ACTR2: variants seen among roughly 807,000 people sequenced by gnomAD.
ACTR2 encodes actin-related protein 2.
A neutral mutation model predicts 50.2 loss-of-function variants in ACTR2; 5 were observed. The observed-to-expected ratio is 0.10, with a 90% CI of 0.05 to 0.21. The LOEUF is 0.21. Among genes scored for constraint, ACTR2 ranks in the 10% least tolerant of loss-of-function variants. The pLI, the probability that ACTR2 is intolerant of heterozygous loss-of-function variation, is 1.00. For missense variants in ACTR2, 180 were observed against 480.6 expected, an observed-to-expected ratio of 0.37 and a Z score of 5.85; for synonymous variants, 140 against 162.9, an observed-to-expected ratio of 0.86 and a Z score of 1.07.
In ACTR2 at chr2:65,262,331, G is replaced by A. The variant is rs148342668; in HGVS notation, c.881+939G>A. 3.6e-3 allele frequency among the ~76,000 whole-genome samples: 545 copies of A among 152,066 alleles called. 3 individuals are homozygous for A. The highest frequency in any genetic ancestry group is 0.012 in the African/African-American group (499 of 41,476). ...TGCAACCTCTGCCTCCCGTTTTCAA[G>A]CGATTCTCCTGCCTCAGCCTCCCAA... On this transcript the variant is annotated intron_variant, in intron 7 of 8. Transcript: ENST00000260641.
intron 1 of ACTR2, among the ~76,000 whole-genome samples, chr2:65,238,184 T>G (rs922098790): frequency 1.5e-4 from 23 of 151,888 alleles, no homozygotes; most frequent in African/African-American, 5.6e-4. Flanking sequence ...TAAATATTTT[T>G]TAAATTAAAA....
At chr2:65,252,436 C>A (rs866245802) in intron 4 of ACTR2, among the ~76,000 whole-genome samples, 1 of 150,204 alleles carries the variant, frequency 6.7e-6, no homozygotes, top group Non-Finnish European at 1.5e-5. Flanking sequence ...GTCAGGAGAT[C>A]GAGACCATCC....
At chr2:65,250,515 A>G (rs534750461) in intron 3 of ACTR2, among the ~76,000 whole-genome samples, 54 of 151,056 alleles carry the variant, frequency 3.6e-4, no homozygotes, top group African/African-American at 1.3e-3. Flanking sequence ...TGTACTAAAA[A>G]TACAAAAATT....
At chr2:65,245,599 A>G (rs1050673853) in intron 2 of ACTR2, among the ~76,000 whole-genome samples, 3 of 152,184 alleles carry the variant, frequency 2.0e-5, no homozygotes, top group Non-Finnish European at 4.4e-5. Context: ...TGTAGCAAAT[A>G]TCTACTTCTG....
intron 8 of ACTR2, among the ~76,000 whole-genome samples, chr2:65,268,048 A>G (rs1368625313): frequency 6.6e-6 from 1 of 151,682 alleles, no homozygotes; most frequent in Non-Finnish European, 1.5e-5. Flanking sequence ...TGTGTTAGCC[A>G]GGATGGTCTC....
intron 1 of ACTR2, among the ~76,000 whole-genome samples, chr2:65,234,680 C>T (rs1015730312): frequency 2.6e-5 from 4 of 152,196 alleles, no homozygotes; most frequent in African/African-American, 9.7e-5. Flanking sequence ...TTAGCAGCCT[C>T]TTCCCTGCAC....
At chr2:65,248,605 A>G (rs538145389) in intron 3 of ACTR2, among the ~76,000 whole-genome samples, 1 of 152,138 alleles carries the variant, frequency 6.6e-6, no homozygotes, top group East Asian at 1.9e-4. Context: ...ATAGTGAGAA[A>G]TTACCAGATT....
intron 4 of ACTR2, among the ~76,000 whole-genome samples, chr2:65,253,415 C>T (rs926437700): frequency 6.6e-6 from 1 of 151,770 alleles, no homozygotes; most frequent in Non-Finnish European, 1.5e-5. Context: ...TGTACTCCTC[C>T]AGCCTGGGTG....
intron 1 of ACTR2, 123 bp downstream of exon 1, chr2:65,228,080 G>T: frequency 1.1e-6 from 1 of 911,544 alleles, no homozygotes; most frequent in Non-Finnish European, 1.5e-6. Flanking sequence ...GCGCGGGGCG[G>T]TGCCTCCCAC....
At chr2:65,233,769 G>A (rs1360219389) in intron 1 of ACTR2, among the ~76,000 whole-genome samples, 3 of 151,826 alleles carry the variant, frequency 2.0e-5, no homozygotes, top group East Asian at 1.9e-4. Flanking sequence ...GCACCACCAC[G>A]CCCAGCCAAT....
chr2:65,232,527 G>A (rs1036649432), intron 1 of ACTR2, among the ~76,000 whole-genome samples: 1 of 152,072 alleles, frequency 6.6e-6, no homozygotes, highest in African/African-American at 2.4e-5. Context: ...ATATTTTGGT[G>A]GCCTAAGATC....
In ACTR2 at chr2:65,269,985, G is replaced by T. The variant is rs942424648; in HGVS notation, c.*1251G>T. 4 of 152,180 alleles carry T rather than the reference G, an allele frequency of 2.6e-5. No homozygotes were observed. The highest frequency in any genetic ancestry group is 4.4e-5 in the Non-Finnish European group (3 of 68,020). 9.4% of individuals were successfully genotyped at this position (152,180 alleles called of 1,614,324 possible). A position where few individuals can be genotyped will look rare whatever the true frequency, so the allele number is the denominator to read the frequency against. ...TCTCAGCCATCTTTGAAGCTTGAAA[G>T]AAGAGTCTTTGGTATTTTGTAAACG... On this transcript the variant is annotated 3_prime_UTR_variant, in exon 9 of 9. Transcript: ENST00000260641.
intron 6 of ACTR2, among the ~76,000 whole-genome samples, chr2:65,260,876 G>C (rs550263463): frequency 3.6e-4 from 55 of 151,666 alleles, no homozygotes; most frequent in African/African-American, 1.3e-3. Flanking sequence ...GACTATAGGC[G>C]CCCGCCACCA....
At chr2:65,237,730 G>A (rs1371634598) in intron 1 of ACTR2, among the ~76,000 whole-genome samples, 3 of 152,044 alleles carry the variant, frequency 2.0e-5, no homozygotes, top group African/African-American at 7.2e-5. Context: ...GCTCACTCCT[G>A]TAATCCCAGC....
chr2:65,270,246 G>A lies in ACTR2; in HGVS notation c.*1512G>A, dbSNP rs912226127. ...TTTGAAAGAAGAGGCTTAATTTGGG[G>A]GTGGTAACTAAAATCAAAAGAAATG... is the stretch of plus-strand genomic sequence containing the variant. On this transcript the variant is annotated 3_prime_UTR_variant, in exon 9 of 9. Transcript: ENST00000260641. 6.6e-6 allele frequency: 1 copy of A among 152,540 alleles called. No individual in the cohort carries two copies. Among genetic ancestry groups the A allele is most frequent in the African/African-American group, 2.4e-5 (1 of 41,420 alleles). The allele number at this position is 152,540 out of a possible 1,614,324, so 9.4% of individuals were successfully genotyped here. A position where few individuals can be genotyped will look rare whatever the true frequency, so the allele number is the denominator to read the frequency against.
chr2:65,231,309 C>G (rs1671634179), intron 1 of ACTR2, among the ~76,000 whole-genome samples: 1 of 152,066 alleles, frequency 6.6e-6, no homozygotes, highest in South Asian at 2.1e-4. Context: ...AACAGGAATG[C>G]TGTAATAGTT....
chr2:65,268,699 C>T lies in ACTR2; in HGVS notation c.1150C>T (p.Arg384Cys), dbSNP rs368220890. The part of the protein sequence containing the change: ...TRQEYQEKGV[R>C]VLEKLGVTVR ...ACAAGAGTACCAAGAAAAGGGTGTC[C>T]GTGTGCTAGAGAAACTTGGTGTGAC... is the stretch of plus-strand genomic sequence containing the variant. The change falls in exon 9 of 9, where the codon CGT (arginine) becomes TGT (cysteine). Residue 384 changes from arginine (R) to cysteine (C), a missense_variant. Coordinates refer to ENST00000260641, the MANE Select transcript of ACTR2 (RefSeq NM_005722.4). 1.3e-5 allele frequency: 21 copies of T among 1,613,750 alleles called. No individual in the cohort carries two copies. Among genetic ancestry groups the T allele is most frequent in the Admixed American group, 6.7e-5 (4 of 59,978 alleles).
At chr2:65,229,332 G>A (rs1671591713) in intron 1 of ACTR2, among the ~76,000 whole-genome samples, 1 of 152,140 alleles carries the variant, frequency 6.6e-6, no homozygotes, top group African/African-American at 2.4e-5. Flanking sequence ...GAATTGTTGA[G>A]GGGGAAAAGA....
At chr2:65,249,614 G>T (rs1348171070) in intron 3 of ACTR2, among the ~76,000 whole-genome samples, 2 of 152,146 alleles carry the variant, frequency 1.3e-5, no homozygotes, top group African/African-American at 4.8e-5. Context: ...AATTTTCATT[G>T]TGGTCAGTTG....
Sources: gnomAD v4.1 joint callset for allele counts (sites outside exome capture counted in the v4.1 genomes callset) on GRCh38, gnomAD v4.1.1 for gene constraint, MANE v1.5 for transcripts, NCBI Gene and HGNC (gene_info 2026-07-23, HGNC 2026-07-21) for gene names.